The following BAALC variants were observed in gnomAD, a reference collection of about 807,000 sequenced individuals.
The protein encoded by BAALC is BAALC binder of MAP3K1 and KLF4.
Under a neutral mutation model 15.5 loss-of-function variants are expected in BAALC, and 9 were observed. The ratio of observed to expected loss-of-function variants is 0.58; its 90% CI spans 0.35 to 1.02. The LOEUF is 1.02. BAALC is among the 50% of genes least tolerant of loss of function. The pLI, the probability that BAALC is intolerant of heterozygous loss-of-function variation, is 0.02. For synonymous variants in BAALC, 80 were observed against 74.6 expected, an observed-to-expected ratio of 1.07 and a Z score of -0.37; for missense variants, 201 against 192.4, an observed-to-expected ratio of 1.04 and a Z score of -0.27.
chr8:103,187,132 TC>T (rs1811857486), intron 1 of BAALC, among the ~76,000 whole-genome samples: 1 of 152,130 alleles, frequency 6.6e-6, no homozygotes, highest in Admixed American at 6.6e-5. Context: ...ATGTTCTTCC[TC>T]CCATCCCATA....
chr8:103,194,797 A>C (rs1362761183), intron 1 of BAALC, among the ~76,000 whole-genome samples: 3 of 152,198 alleles, frequency 2.0e-5, no homozygotes, highest in African/African-American at 7.2e-5. Context: ...AAGGGCAAAA[A>C]GGGCACAAAT....
intron 1 of BAALC, among the ~76,000 whole-genome samples, chr8:103,212,471 C>G (rs546942130): frequency 6.6e-6 from 1 of 152,150 alleles, no homozygotes; most frequent in East Asian, 1.9e-4. Context: ...AAAATAAAAA[C>G]CCAACATTTA....
At chr8:103,163,267 C>T (rs1811269742) in intron 1 of BAALC, among the ~76,000 whole-genome samples, 1 of 152,094 alleles carries the variant, frequency 6.6e-6, no homozygotes, top group African/African-American at 2.4e-5. Context: ...TCTTCACGCC[C>T]TTGCCCAGTT....
chr8:103,197,005 C>A (rs1012383692), intron 1 of BAALC, among the ~76,000 whole-genome samples: 1 of 152,158 alleles, frequency 6.6e-6, no homozygotes, highest in African/African-American at 2.4e-5. Flanking sequence ...TCAGTGTGAC[C>A]TACTTAATTC....
intron 1 of BAALC, among the ~76,000 whole-genome samples, chr8:103,149,143 G>A (rs533892343): frequency 2.7e-4 from 40 of 148,588 alleles, no homozygotes; most frequent in African/African-American, 8.5e-4. Context: ...CCATTGTGCT[G>A]TGCTGCTAAG....
At chr8:103,146,668 C>T (rs1810887535) in intron 1 of BAALC, among the ~76,000 whole-genome samples, 1 of 152,226 alleles carries the variant, frequency 6.6e-6, no homozygotes, top group Non-Finnish European at 1.5e-5. Context: ...TCTCTTTCCT[C>T]ATCAGTTCTC....
At position 103,174,152 on chromosome 8, in the gene BAALC, G is replaced by A. The variant is rs1454942011; in HGVS notation, c.160+33095G>A. 2.6e-5 allele frequency among the ~76,000 whole-genome samples: 4 copies of A among 151,814 alleles called. No homozygotes were observed. The East Asian group carries it at 7.7e-4, about 29-fold the overall frequency. On this transcript the variant is annotated intron_variant, in intron 1 of 2. Transcript: ENST00000309982. ...TGATAGCTGCTCAGACTGTGAAAGGGATCCTGAATCCATTCTGCCGGCCTC... is the reference window on the plus strand; with the variant it reads ...TGATAGCTGCTCAGACTGTGAAAGGAATCCTGAATCCATTCTGCCGGCCTC...
chr8:103,141,376 C>T, intron 1 of BAALC: 1 of 299,650 alleles, frequency 3.3e-6, no homozygotes, highest in Non-Finnish European at 6.1e-6. Flanking sequence ...CACACATATC[C>T]CTCAGCCACC....
intron 1 of BAALC, among the ~76,000 whole-genome samples, chr8:103,200,440 GA>G (rs1486716513): frequency 5.3e-5 from 8 of 152,158 alleles, no homozygotes; most frequent in Non-Finnish European, 1.0e-4. Flanking sequence ...ATAGCCTAAT[GA>G]AAAGGCTAGT....
At chr8:103,141,134 C>A (rs1250350877) in intron 1 of BAALC, 77 bp downstream of exon 1, 7 of 1,358,856 alleles carry the variant, frequency 5.2e-6, no homozygotes, top group South Asian at 1.8e-5. Flanking sequence ...AGAGAGGAGC[C>A]GGTTCCCTGA....
intron 1 of BAALC, among the ~76,000 whole-genome samples, chr8:103,211,358 G>A (rs571551788): frequency 6.1e-4 from 93 of 152,144 alleles, no homozygotes; most frequent in African/African-American, 6.3e-4. Context: ...TCTGTCTATC[G>A]TGTTATTCAG....
chr8:103,213,609 A>T (rs7825986), intron 2 of BAALC: 74,140 of 153,268 alleles, frequency 0.48, 18,285 homozygotes, highest in South Asian at 0.53. Flanking sequence ...GTGATGTCCC[A>T]GGACGTGGCG....
chr8:103,205,374 A>G (rs1300379061), intron 1 of BAALC, among the ~76,000 whole-genome samples: 2 of 152,202 alleles, frequency 1.3e-5, no homozygotes, highest in East Asian at 1.9e-4. Flanking sequence ...TGTTTCCTGC[A>G]TGGAATGAAA....
chr8:103,198,312 A>G (rs890579618), intron 1 of BAALC, among the ~76,000 whole-genome samples: 4 of 152,240 alleles, frequency 2.6e-5, no homozygotes, highest in Admixed American at 2.0e-4. Flanking sequence ...AAAAATAAAT[A>G]GCCTAATATT....
chr8:103,163,026 T>C (rs1811263804), intron 1 of BAALC, among the ~76,000 whole-genome samples: 1 of 151,984 alleles, frequency 6.6e-6, no homozygotes, highest in Admixed American at 6.6e-5. Flanking sequence ...TCACAAAGAG[T>C]ACCAATTACC....
Position 103,203,474 on chromosome 8 carries a change from A to G in BAALC, c.161-9445A>G, listed in dbSNP as rs189956960. 5.3e-5 allele frequency among the ~76,000 whole-genome samples: 8 copies of G among 152,332 alleles called. No individual in the cohort carries two copies. The East Asian group carries it at 1.2e-3, about 22-fold the overall frequency. On this transcript the variant is annotated intron_variant, in intron 1 of 2. Transcript: ENST00000309982. Reference sequence around the variant, plus strand: ...CATACAATTGACCCATTTAAAGCATACAATTAAATGATTTTTTAAATTCCT... The same window carrying G: ...CATACAATTGACCCATTTAAAGCATGCAATTAAATGATTTTTTAAATTCCT...
At chr8:103,159,022 T>G (rs1435839004) in intron 1 of BAALC, among the ~76,000 whole-genome samples, 2 of 152,216 alleles carry the variant, frequency 1.3e-5, no homozygotes, top group Non-Finnish European at 2.9e-5. Flanking sequence ...AATATCATGT[T>G]GTACACCACA....
intron 1 of BAALC, 166 bp downstream of exon 1, chr8:103,141,223 C>T (rs977532776): frequency 6.5e-6 from 5 of 771,226 alleles, no homozygotes; most frequent in Admixed American, 4.3e-5. Flanking sequence ...AGATGCAAGC[C>T]CAGGGAGTGG....
At chr8:103,199,024 A>G (rs1812156057) in intron 1 of BAALC, among the ~76,000 whole-genome samples, 1 of 152,246 alleles carries the variant, frequency 6.6e-6, no homozygotes, top group Admixed American at 6.5e-5. Context: ...TCCATAGTCT[A>G]GATAAACCAC....
Sources: allele counts gnomAD v4.1 joint callset (sites outside exome capture counted in the v4.1 genomes callset), GRCh38; gene constraint gnomAD v4.1.1; transcripts MANE v1.5; gene names NCBI Gene and HGNC (gene_info 2026-07-23, HGNC 2026-07-21).